Variants in TRAM2 observed in about 807,000 individuals in gnomAD.
TRAM2 encodes translocating chain-associated membrane protein 2.
TRAM2 carries 12 observed loss-of-function variants against 51.0 expected under a neutral mutation model. The observed-to-expected ratio is 0.24, with a 90% CI of 0.15 to 0.38. TRAM2 has a LOEUF of 0.38. Ranked by LOEUF, TRAM2 falls within the 10% of genes least tolerant of loss-of-function variation. TRAM2 has a pLI of 1.00. For missense variants in TRAM2, 361 were observed against 462.0 expected (o/e 0.78, Z 2.00); for synonymous variants, 175 against 179.4 (o/e 0.98, Z 0.20).
At chr6:52,576,416 A>G (rs1330792345) in intron 1 of TRAM2, among the ~76,000 whole-genome samples, 4 of 152,234 alleles carry the variant, frequency 2.6e-5, no homozygotes, top group African/African-American at 9.6e-5. Context: ...TTGTGCAATG[A>G]CTGCGGGTCT....
chr6:52,535,089 G>A (rs991697177), intron 2 of TRAM2, among the ~76,000 whole-genome samples: 2 of 152,174 alleles, frequency 1.3e-5, no homozygotes, highest in South Asian at 4.2e-4. Flanking sequence ...CCCCAACCAT[G>A]CTTCCATGCA....
intron 2 of TRAM2, among the ~76,000 whole-genome samples, chr6:52,531,351 CTT>C (rs1034132279): frequency 1.1e-4 from 16 of 152,176 alleles, no homozygotes; most frequent in Admixed American, 5.9e-4. Flanking sequence ...CATTGTCTCT[CTT>C]GATTATTTGC....
chr6:52,565,790 T>C (rs1241220420), intron 1 of TRAM2, among the ~76,000 whole-genome samples: 1 of 152,152 alleles, frequency 6.6e-6, no homozygotes, highest in Non-Finnish European at 1.5e-5. Context: ...TCTGAATAAA[T>C]GTTACATACA....
Position 52,576,981 on chromosome 6 carries a change from T to C in TRAM2, c.-66A>G, listed in dbSNP as rs1406942455. 5 of 1,466,818 alleles carry C rather than the reference T, an allele frequency of 3.4e-6. No individual in the cohort carries two copies. Among genetic ancestry groups the C allele is most frequent in the Non-Finnish European group, 3.6e-6 (4 of 1,112,020 alleles). The allele number at this position is 1,466,818 out of a possible 1,614,324, so 90.9% of individuals were successfully genotyped here. On this transcript the variant is annotated 5_prime_UTR_variant, in exon 1 of 11. Transcript: ENST00000182527. ...GCTCACGAACCGCAGCGCAAACTTCTCCAGCACCGGCCCGGTCCGCCCGCC... is the reference window on the plus strand; with the variant it reads ...GCTCACGAACCGCAGCGCAAACTTCCCCAGCACCGGCCCGGTCCGCCCGCC...
At chr6:52,534,207 C>T (rs1020234848) in intron 2 of TRAM2, among the ~76,000 whole-genome samples, 3 of 151,566 alleles carry the variant, frequency 2.0e-5, no homozygotes, top group African/African-American at 4.9e-5. Context: ...AATGGAGAAA[C>T]CCTGTCTCTA....
At chr6:52,503,945 C>T (rs1346456697) in intron 10 of TRAM2, among the ~76,000 whole-genome samples, 1 of 152,164 alleles carries the variant, frequency 6.6e-6, no homozygotes, top group Admixed American at 6.5e-5. Flanking sequence ...TAAGCCTTTG[C>T]CAAGCAGGTG....
rs1766200417 is a variant in TRAM2 at position 52,500,583 on chromosome 6, A to G, written c.*2614T>C. ...CCCTTAGCACACCCGTCCACTGGGA[A>G]GCAGAGCCTAAGCTGACCCCGGCCA... On this transcript the variant is annotated 3_prime_UTR_variant, in exon 11 of 11. Coordinates refer to ENST00000182527, the MANE Select transcript of TRAM2 (RefSeq NM_012288.4). 1 of 151,380 alleles carries G rather than the reference A, an allele frequency of 6.6e-6. No individual in the cohort carries two copies. Among genetic ancestry groups the G allele is most frequent in the Admixed American group, 6.6e-5 (1 of 15,194 alleles). 9.4% of individuals were successfully genotyped at this position (151,380 alleles called of 1,614,324 possible). A position where few individuals can be genotyped will look rare whatever the true frequency, so the allele number is the denominator to read the frequency against.
chr6:52,525,664 T>C (rs568377543), intron 2 of TRAM2, among the ~76,000 whole-genome samples: 210 of 152,118 alleles, frequency 1.4e-3, no homozygotes, highest in African/African-American at 5.0e-3. Context: ...AAAAATTAGC[T>C]GGGCTTGGTG....
At chr6:52,547,134 C>T (rs1026076782) in intron 1 of TRAM2, among the ~76,000 whole-genome samples, 10 of 152,054 alleles carry the variant, frequency 6.6e-5, no homozygotes, top group Admixed American at 2.6e-4. Context: ...GCAAAGAGCT[C>T]GGGAGCTAGA....
At chr6:52,568,683 T>G (rs1368970598) in intron 1 of TRAM2, among the ~76,000 whole-genome samples, 4 of 152,216 alleles carry the variant, frequency 2.6e-5, no homozygotes, top group Non-Finnish European at 4.4e-5. Flanking sequence ...AGGTACGTCC[T>G]TCTCCCTCTC....
In TRAM2 at chr6:52,503,123, C is replaced by G. The variant is rs1766267838; in HGVS notation, c.*74G>C. On this transcript the variant is annotated 3_prime_UTR_variant, in exon 11 of 11. Transcript: ENST00000182527. ...AGCATCACAGGCAGGAAGGAGGAGG[C>G]AGGGAGGGGGCCTGGGCTCCTTGCC... 1 of 1,259,436 alleles carries G rather than the reference C, an allele frequency of 7.9e-7. No individual in the cohort carries two copies. The allele number at this position is 1,259,436 out of a possible 1,614,324, so 78.0% of individuals were successfully genotyped here.
chr6:52,510,115 A>C (rs1766426148), intron 4 of TRAM2, among the ~76,000 whole-genome samples: 1 of 152,168 alleles, frequency 6.6e-6, no homozygotes, highest in Non-Finnish European at 1.5e-5. Flanking sequence ...TGAATAAAAA[A>C]CATGGCAGGA....
At chr6:52,567,536 T>C (rs978186680) in intron 1 of TRAM2, among the ~76,000 whole-genome samples, 4 of 152,270 alleles carry the variant, frequency 2.6e-5, no homozygotes, top group African/African-American at 9.6e-5. Flanking sequence ...AATGTTTCTT[T>C]TACATTTCTT....
At chr6:52,562,395 C>T (rs1162017305) in intron 1 of TRAM2, among the ~76,000 whole-genome samples, 2 of 152,050 alleles carry the variant, frequency 1.3e-5, no homozygotes, top group African/African-American at 2.4e-5. Context: ...AAGCATGTCC[C>T]GAGTAACTTG....
At position 52,498,578 on chromosome 6, in the gene TRAM2, T is replaced by A. The variant is rs1056955464; in HGVS notation, c.*4619A>T. 6 of 152,182 alleles carry A rather than the reference T, an allele frequency of 3.9e-5. No individual in the cohort carries two copies. Among genetic ancestry groups the A allele is most frequent in the African/African-American group, 1.4e-4 (6 of 41,418 alleles). 9.4% of individuals were successfully genotyped at this position (152,182 alleles called of 1,614,324 possible). On this transcript the variant is annotated 3_prime_UTR_variant, in exon 11 of 11. Transcript: ENST00000182527. Reference sequence around the variant, plus strand: ...AGAGGAGAGTTTTCGAAGTGGGGGCTGGAAGCTCTGGGCTTCTCTTAATAG... The same window carrying A: ...AGAGGAGAGTTTTCGAAGTGGGGGCAGGAAGCTCTGGGCTTCTCTTAATAG...
intron 2 of TRAM2, among the ~76,000 whole-genome samples, chr6:52,529,016 G>A (rs924589360): frequency 2.0e-5 from 3 of 150,478 alleles, no homozygotes; most frequent in Non-Finnish European, 3.0e-5. Context: ...TAAGCCTCCC[G>A]AGCAGCTGGG....
intron 7 of TRAM2, among the ~76,000 whole-genome samples, chr6:52,506,877 C>T (rs936414622): frequency 1.3e-5 from 2 of 152,166 alleles, no homozygotes; most frequent in Non-Finnish European, 2.9e-5. Flanking sequence ...CAACGCACCT[C>T]GGGATTTCCA....
At chr6:52,550,792 TCCACCTGCCTTGGCCTC>T (rs67646646) in intron 1 of TRAM2, among the ~76,000 whole-genome samples, 33,585 of 151,876 alleles carry the variant, frequency 0.22, 3,897 homozygotes, top group Non-Finnish European at 0.27. Flanking sequence ...CCTCAAGAGA[TCCACCTGCCTTGGCCTC>T]CCACCTGCCT....
chr6:52,503,334 G>T, intron 10 of TRAM2, 64 bp from the exon 11 acceptor site: 1 of 1,496,024 alleles, frequency 6.7e-7, no homozygotes, highest in Non-Finnish European at 9.3e-7. Flanking sequence ...GAAGAGGGGA[G>T]GGTGGGGCCA....
Sources: gnomAD v4.1 joint callset for allele counts (sites outside exome capture counted in the v4.1 genomes callset) on GRCh38, gnomAD v4.1.1 for gene constraint, MANE v1.5 for transcripts, NCBI Gene and HGNC (gene_info 2026-07-23, HGNC 2026-07-21) for gene names.